EVC: variants seen among roughly 807,000 people sequenced by gnomAD.
EVC encodes EvC ciliary complex subunit 1.
In EVC, 116 loss-of-function variants were observed where a neutral mutation model predicts 118.9. The observed-to-expected ratio is 0.98, with a 90% CI of 0.84 to 1.14. EVC has a LOEUF of 1.14. Among genes scored for constraint, EVC ranks in the 50% most tolerant of loss-of-function variants. The pLI is 0.00. For missense variants in EVC, 1,401 were observed against 1,246.4 expected (o/e 1.12, Z -1.87); for synonymous variants, 619 against 534.7 (o/e 1.16, Z -2.18).
chr4:5,794,197 T>C (rs1165865611), intron 13 of EVC, among the ~76,000 whole-genome samples: 10 of 136,714 alleles, frequency 7.3e-5, no homozygotes, highest in African/African-American at 2.7e-4. Context: ...TGCTGGAAAG[T>C]ATTTTTTTCC....
At chr4:5,825,102 T>C in the EVC span, 1 of 985,432 alleles carries the variant, frequency 1.0e-6, no homozygotes, top group Non-Finnish European at 1.2e-6. The surrounding 1 kb of genome is among the most constrained non-coding windows in gnomAD (Gnocchi z 4.4). Flanking sequence ...GTGAACAGGC[T>C]AAAGACTTAC....
the EVC span, among the ~76,000 whole-genome samples, chr4:5,822,985 C>T: frequency 4.6e-5 from 7 of 152,192 alleles, no homozygotes; most frequent in Admixed American, 1.3e-4. Context: ...CCACTGTACC[C>T]TTTCATACTT....
At chr4:5,776,546 C>A (rs1324985412) in intron 11 of EVC, among the ~76,000 whole-genome samples, 1 of 152,138 alleles carries the variant, frequency 6.6e-6, no homozygotes, top group African/African-American at 2.4e-5. Context: ...CTGTAAATTT[C>A]TTCCATCAGT....
intron 11 of EVC, among the ~76,000 whole-genome samples, chr4:5,780,677 A>C (rs577638956): frequency 6.6e-6 from 1 of 152,202 alleles, no homozygotes; most frequent in Admixed American, 6.5e-5. Context: ...CAATCATACA[A>C]CCAGTGCCTG....
Position 5,749,656 on chromosome 4 carries a change from G to C in EVC, c.1098+1350G>C, listed in dbSNP as rs1454461589. On this transcript the variant is annotated intron_variant, in intron 8 of 20. Coordinates refer to ENST00000264956, the MANE Select transcript of EVC (RefSeq NM_153717.3). The surrounding 1 kb of genome is among the most constrained non-coding windows in gnomAD (Gnocchi z 4.4). ...TCTTGGTACACATTGGGCTCATCCT[G>C]TGTGCGCCAGTGTGTACTAGGGCCA... 6.6e-6 allele frequency among the ~76,000 whole-genome samples: 1 copy of C among 152,132 alleles called. No homozygotes were observed. The highest frequency in any genetic ancestry group is 1.5e-5 in the Non-Finnish European group (1 of 68,032).
In EVC at chr4:5,749,449, A is replaced by G. The variant is rs1362477443; in HGVS notation, c.1098+1143A>G. ...AGGGTTGGACACCCGTGGGAGAGAA[A>G]TCTGCGAATCCAGCTTTGACTCTGG... is the stretch of plus-strand genomic sequence containing the variant. On this transcript the variant is annotated intron_variant, in intron 8 of 20. Transcript: ENST00000264956. This position sits in a 1 kb window ranked among gnomAD's most constrained non-coding sequence, Gnocchi z 4.4. Among the ~76,000 whole-genome samples the G allele has an allele frequency of 6.6e-6, 1 of 152,066 alleles. No individual in the cohort carries two copies. The highest frequency in any genetic ancestry group is 1.5e-5 in the Non-Finnish European group (1 of 68,014).
chr4:5,756,347 G>T lies in EVC; in HGVS notation c.1548G>T (p.Val516=). Residue 516 remains valine (V), a synonymous_variant, in exon 11 of 21, where the codon GTG becomes GTT. Coordinates refer to ENST00000264956, the MANE Select transcript of EVC (RefSeq NM_153717.3). The surrounding 1 kb of genome is among the most constrained non-coding windows in gnomAD (Gnocchi z 4.2). ...AGAATGTCAGAGCCACCGAGGCTGTGGTTGCACTCTGCCAGGTACATGGCC... is the reference window on the plus strand; with the variant it reads ...AGAATGTCAGAGCCACCGAGGCTGTTGTTGCACTCTGCCAGGTACATGGCC... ...EEENVRATEA[V]VALCQELYFS... 6.2e-7 allele frequency: 1 copy of T among 1,610,454 alleles called. No homozygotes were observed. The highest frequency in any genetic ancestry group is 1.3e-5 in the African/African-American group (1 of 75,030).
At chr4:5,815,816 C>A (rs10009439), downstream of EVC, among the ~76,000 whole-genome samples, 1 of 152,110 alleles carries the variant, frequency 6.6e-6, no homozygotes, top group Non-Finnish European at 1.5e-5. Flanking sequence ...CACCATTGAC[C>A]GGCCACATGC....
intron 11 of EVC, among the ~76,000 whole-genome samples, chr4:5,778,107 C>G (rs62297672): frequency 0.13 from 19,265 of 149,974 alleles, 1,962 homozygotes; most frequent in African/African-American, 0.29. Context: ...TTTGTTCTTG[C>G]GATAGTTTAC....
intron 11 of EVC, among the ~76,000 whole-genome samples, chr4:5,763,471 A>T (rs1732389990): frequency 6.8e-6 from 1 of 147,180 alleles, no homozygotes; most frequent in Admixed American, 6.8e-5. Flanking sequence ...GATGGCATTG[A>T]GTCTATAAAT....
rs573701097 is a variant in EVC at position 5,809,987 on chromosome 4, A to G, written c.2783-352A>G. 1.5e-3 allele frequency among the ~76,000 whole-genome samples: 230 copies of G among 152,296 alleles called. 1 individual carries two copies. The highest frequency in any genetic ancestry group is 5.3e-3 in the African/African-American group (219 of 41,564). On this transcript the variant is annotated intron_variant, in intron 19 of 20. Coordinates refer to ENST00000264956, the MANE Select transcript of EVC (RefSeq NM_153717.3). Reference sequence around the variant, plus strand: ...CTCAGAAGGTGGTGTGAGAACACAGAGATCTACTGAAACAAAAGCTGTCAC... The same window carrying G: ...CTCAGAAGGTGGTGTGAGAACACAGGGATCTACTGAAACAAAAGCTGTCAC...
At chr4:5,780,337 A>G (rs1002070914) in intron 11 of EVC, among the ~76,000 whole-genome samples, 2 of 152,202 alleles carry the variant, frequency 1.3e-5, no homozygotes, top group African/African-American at 4.8e-5. Flanking sequence ...TTCCTTTTAA[A>G]AAAACAATTA....
At position 5,756,156 on chromosome 4, in the gene EVC, C is replaced by A; in HGVS notation, c.1465-108C>A. On this transcript the variant is annotated intron_variant, in intron 10 of 20. Transcript: ENST00000264956. This position sits in a 1 kb window ranked among gnomAD's most constrained non-coding sequence, Gnocchi z 4.2. ...TCCTTGTGTGTAATACAGGTGCCAA[C>A]ATCCTTCTTTCTAACCTGAGATGCA... The A allele has an allele frequency of 1.2e-6, 1 of 861,422 alleles. No homozygotes were observed. The highest frequency in any genetic ancestry group is 1.9e-6 in the Non-Finnish European group (1 of 529,340). 53.4% of individuals were successfully genotyped at this position (861,422 alleles called of 1,614,324 possible).
At chr4:5,771,685 A>G (rs550362923) in intron 11 of EVC, among the ~76,000 whole-genome samples, 1 of 152,306 alleles carries the variant, frequency 6.6e-6, no homozygotes, top group African/African-American at 2.4e-5. Flanking sequence ...AGAAAATGAC[A>G]GAAGCCTGGG....
At chr4:5,823,968 T>C in the EVC span, among the ~76,000 whole-genome samples, 2 of 152,190 alleles carry the variant, frequency 1.3e-5, no homozygotes, top group Non-Finnish European at 2.9e-5. Context: ...CCAAATGAAG[T>C]CACCTATCAA....
At chr4:5,759,603 G>A (rs1162651494) in intron 11 of EVC, among the ~76,000 whole-genome samples, 2 of 152,192 alleles carry the variant, frequency 1.3e-5, no homozygotes, top group Admixed American at 6.5e-5. Context: ...AAACCTTGCT[G>A]TGCATCAGAA....
chr4:5,713,795 G>T (rs1723473510), intron 1 of EVC, among the ~76,000 whole-genome samples: 1 of 151,360 alleles, frequency 6.6e-6, no homozygotes, highest in Non-Finnish European at 1.5e-5. Context: ...CCCAGCTACT[G>T]GGGAGGCTAA....
downstream of EVC, among the ~76,000 whole-genome samples, chr4:5,817,104 A>C (rs190022829): frequency 6.6e-6 from 1 of 152,230 alleles, no homozygotes; most frequent in Non-Finnish European, 1.5e-5. Context: ...CCCCTGCACC[A>C]GGCATTTGCC....
chr4:5,785,989 C>G (rs1711519664), intron 12 of EVC, among the ~76,000 whole-genome samples: 1 of 152,044 alleles, frequency 6.6e-6, no homozygotes, highest in African/African-American at 2.4e-5. Flanking sequence ...GTGTAGGGGC[C>G]TTTTAGAGAC....
Sources: gnomAD v4.1 joint callset for allele counts (sites outside exome capture counted in the v4.1 genomes callset) on GRCh38, gnomAD v4.1.1 for gene constraint, Gnocchi (gnomAD v3.1) non-coding constraint, MANE v1.5 for transcripts, NCBI Gene and HGNC (gene_info 2026-07-23, HGNC 2026-07-21) for gene names.